The following EMILIN1 variants were observed in gnomAD, a reference collection of about 807,000 sequenced individuals.
EMILIN1 encodes the protein elastin microfibril interfacer 1, also known as EMILIN-1.
In EMILIN1, 49 loss-of-function variants were observed where a neutral mutation model predicts 82.4. The ratio of observed to expected loss-of-function variants is 0.59; its 90% CI spans 0.47 to 0.75. EMILIN1 has a LOEUF of 0.75. Ranked by LOEUF, EMILIN1 falls within the 30% of genes least tolerant of loss-of-function variation. The pLI, the probability that EMILIN1 is intolerant of heterozygous loss-of-function variation, is 0.00. For missense variants in EMILIN1, 1,313 were observed against 1,366.4 expected (o/e 0.96, Z 0.62); for synonymous variants, 604 against 602.2 (o/e 1.00, Z -0.04).
chr2:27,083,806 G>C lies in EMILIN1; in HGVS notation c.2235G>C (p.Gln745His). ...ERLDTVAGGL[Q>H]GLREGLSRHV... is the part of the protein sequence containing the mutation. ...TGGACACTGTGGCTGGGGGACTGCA[G>C]GGCCTGCGCGAGGGCCTTTCCAGAC... The change falls in exon 4 of 8, where the codon CAG becomes CAC. Residue 745 changes from glutamine (Q) to histidine (H), a missense_variant. Transcript: ENST00000380320. 2 of 1,601,086 alleles carry C rather than the reference G, an allele frequency of 1.2e-6. No homozygotes were observed. Among genetic ancestry groups the C allele is most frequent in the South Asian group, 1.1e-5 (1 of 90,524 alleles).
intron 3 of EMILIN1, among the ~76,000 whole-genome samples, chr2:27,081,661 T>A (rs1408732762): frequency 6.6e-6 from 1 of 151,632 alleles, no homozygotes; most frequent in Non-Finnish European, 1.5e-5. Context: ...GACAGAAGAG[T>A]GTCATTATCC....
Position 27,078,726 on chromosome 2 carries a change from G to T in EMILIN1, c.-340G>T, listed in dbSNP as rs1051410406. The T allele has an allele frequency of 7.7e-6, 2 of 261,350 alleles. No homozygotes were observed. Among genetic ancestry groups the T allele is most frequent in the East Asian group, 1.4e-4 (2 of 13,884 alleles). 16.2% of individuals were successfully genotyped at this position (261,350 alleles called of 1,614,324 possible). ...AGAGGGCCAGCTGGGACGAGGGGGC[G>T]GACGCCCAGGAGGCAACTTCTGAGA... On this transcript the variant is annotated 5_prime_UTR_variant, in exon 1 of 8. Coordinates refer to ENST00000380320, the MANE Select transcript of EMILIN1 (RefSeq NM_007046.4).
In EMILIN1 at chr2:27,085,679, C is replaced by T. The variant is rs1347327726; in HGVS notation, c.2715C>T (p.Gly905=). The part of the protein sequence containing the change: ...NDGGYYDPET[G]VFTAPLAGRY... ...CCTGACTGCTATCCTTGTCCCCAGG[C>T]GTGTTCACAGCGCCACTGGCTGGAC... Residue 905 remains glycine (G), a splice_region_variant and synonymous_variant, in exon 8 of 8, where the codon GGC becomes GGT. Coordinates refer to ENST00000380320, the MANE Select transcript of EMILIN1 (RefSeq NM_007046.4). The T allele has an allele frequency of 5.0e-6, 8 of 1,596,086 alleles. No homozygotes were observed. In the Admixed American group the frequency reaches 1.3e-4, roughly 27 times the overall value.
At position 27,086,107 on chromosome 2, in the gene EMILIN1, CT is replaced by C. The variant is rs1572849987; in HGVS notation, c.*93del. 6 of 1,005,390 alleles carry C rather than the reference CT, an allele frequency of 6.0e-6. No individual in the cohort carries two copies. The East Asian group carries it at 1.9e-4, about 32-fold the overall frequency. The allele number at this position is 1,005,390 out of a possible 1,614,324, so 62.3% of individuals were successfully genotyped here. On this transcript the variant is annotated 3_prime_UTR_variant, in exon 8 of 8. Transcript: ENST00000380320. ...CTCGCCTGAGACGGGGCACCTAGCC[CT>C]GGGCGAGCGCCGCACCCGGGCCCGC...
At position 27,083,192 on chromosome 2, in the gene EMILIN1, C is replaced by G; in HGVS notation, c.1621C>G (p.Arg541Gly). The G allele has an allele frequency of 6.2e-7, 1 of 1,611,210 alleles. No homozygotes were observed. Among genetic ancestry groups the G allele is most frequent in the East Asian group, 2.2e-5 (1 of 44,808 alleles). ...GGAGGGATTACAAGAGGTTGTGGGC[C>G]GGCTCCAGGATCGTGTGGATGCCCA... ...TLEGLQEVVG[R>G]LQDRVDAQDE... Residue 541 changes from arginine to glycine, a missense_variant, in exon 4 of 8, where the codon CGG becomes GGG. By Grantham distance (125) the Arg-to-Gly change is moderately radical. Transcript: ENST00000380320.
At position 27,085,226 on chromosome 2, in the gene EMILIN1, G is replaced by A. The variant is rs746958061; in HGVS notation, c.2642G>A (p.Arg881Gln). 8 of 1,614,132 alleles carry A rather than the reference G, an allele frequency of 5.0e-6. No homozygotes were observed. Among genetic ancestry groups the A allele is most frequent in the Non-Finnish European group, 6.8e-6 (8 of 1,180,042 alleles). The change falls in exon 7 of 8, where the codon CGG becomes CAG. Residue 881 changes from arginine (R) to glutamine (Q), a missense_variant. Coordinates refer to ENST00000380320, the MANE Select transcript of EMILIN1 (RefSeq NM_007046.4). ...VAFSAALSLP[R>Q]SEPGTVPFDR... The stretch of plus-strand genomic sequence containing the variant: ...TTTTCAGCTGCTCTGAGTTTGCCCC[G>A]GTCTGAACCAGGCACGGTCCCCTTC...
intron 4 of EMILIN1, 38 bp downstream of exon 4, chr2:27,084,049 C>A: frequency 7.0e-7 from 1 of 1,437,396 alleles, no homozygotes; most frequent in Non-Finnish European, 9.2e-7. Flanking sequence ...CCCTTTCAAG[C>A]CCCTTATTTT....
chr2:27,080,602 T>C lies in EMILIN1; in HGVS notation c.291-130T>C, dbSNP rs1669456252. The C allele has an allele frequency of 1.2e-5, 9 of 757,700 alleles. 1 individual carries two copies. Among genetic ancestry groups the C allele is most frequent in the South Asian group, 7.4e-5 (4 of 54,248 alleles). 46.9% of individuals were successfully genotyped at this position (757,700 alleles called of 1,614,324 possible). A position where few individuals can be genotyped will look rare whatever the true frequency, so the allele number is the denominator to read the frequency against. ...GCTGTCAGCTAAGCAAGGCCACATG[T>C]TGGACAGTAAGAGGGACCCAGCCTG... is the stretch of plus-strand genomic sequence containing the variant. On this transcript the variant is annotated intron_variant, in intron 2 of 7. Transcript: ENST00000380320.
rs763872261 is a variant in EMILIN1 at position 27,082,321 on chromosome 2, C to G, written c.750C>G (p.Arg250=). The G allele has an allele frequency of 6.2e-7, 1 of 1,612,772 alleles. No homozygotes were observed. Among genetic ancestry groups the G allele is most frequent in the Non-Finnish European group, 8.5e-7 (1 of 1,179,950 alleles). Residue 250 remains arginine, a synonymous_variant, in exon 4 of 8, where the codon CGC becomes CGG. Coordinates refer to ENST00000380320, the MANE Select transcript of EMILIN1 (RefSeq NM_007046.4). The stretch of plus-strand genomic sequence containing the variant: ...ACCAGCTGCAGCTCCTGGACACCCG[C>G]GTCTCCACCCACGACCAGGAGCTGG... ...IQHQLQLLDT[R]VSTHDQELGH...
intron 4 of EMILIN1, 97 bp from the exon 5 acceptor site, chr2:27,084,314 TTCCA>T (rs1669550708): frequency 1.3e-6 from 1 of 763,624 alleles, no homozygotes; most frequent in Non-Finnish European, 2.2e-6. Flanking sequence ...GCTCCACCTG[TTCCA>T]TCCATCTTCT....
At chr2:27,085,371 C>A in intron 7 of EMILIN1, 74 bp downstream of exon 7, 1 of 1,552,498 alleles carries the variant, frequency 6.4e-7, no homozygotes, top group Non-Finnish European at 8.9e-7. Flanking sequence ...CCCATTCTTG[C>A]CTTTTCCGAC....
chr2:27,081,127 G>C (rs1208220412), intron 3 of EMILIN1, among the ~76,000 whole-genome samples, 175 bp downstream of exon 3: 1 of 151,784 alleles, frequency 6.6e-6, no homozygotes, highest in Non-Finnish European at 1.5e-5. Context: ...GTGTGTGTGT[G>C]TGTGTGTGTG....
In EMILIN1 at chr2:27,082,981, G is replaced by T; in HGVS notation, c.1410G>T (p.Gln470His). The change falls in exon 4 of 8, where the codon CAG (glutamine) becomes CAT (histidine). Residue 470 changes from glutamine to histidine, a missense_variant. By Grantham distance (24) the Gln-to-His change is conservative. Coordinates refer to ENST00000380320, the MANE Select transcript of EMILIN1 (RefSeq NM_007046.4). ...LGGRLDLLEE[Q>H]VAGAMQACGQ... ...GGCGGTTGGATCTGTTGGAGGAGCA[G>T]GTGGCAGGGGCCATGCAGGCATGCG... 1 of 1,577,984 alleles carries T rather than the reference G, an allele frequency of 6.3e-7. No individual in the cohort carries two copies. The highest frequency in any genetic ancestry group is 1.8e-5 in the Admixed American group (1 of 56,914).
chr2:27,084,586 C>G (rs1014714664), intron 5 of EMILIN1, 55 bp downstream of exon 5: 2 of 1,041,076 alleles, frequency 1.9e-6, no homozygotes, highest in Non-Finnish European at 3.0e-6. Flanking sequence ...CCCTCCAACC[C>G]TGACCCCCGC....
intron 4 of EMILIN1, 49 bp from the exon 5 acceptor site, chr2:27,084,366 T>G: frequency 1.7e-6 from 2 of 1,154,760 alleles, no homozygotes; most frequent in Non-Finnish European, 2.6e-6. Context: ...TCCTTACCCA[T>G]TGGAAACTCC....
Position 27,084,871 on chromosome 2 carries a change from C to A in EMILIN1, c.2558-120C>A, listed in dbSNP as rs557086220. On this transcript the variant is annotated intron_variant, in intron 5 of 7. Transcript: ENST00000380320. ...CCTATTCCTGTTTTTCTTGATACCC[C>A]AATTCCTGCTTTGAAGTCCACGTAG... 2.0e-4 allele frequency: 193 copies of A among 944,940 alleles called. 1 individual carries two copies. Among genetic ancestry groups the A allele is most frequent in the Non-Finnish European group, 3.2e-4 (182 of 575,996 alleles). The allele number at this position is 944,940 out of a possible 1,614,324, so 58.5% of individuals were successfully genotyped here. A position where few individuals can be genotyped will look rare whatever the true frequency, so the allele number is the denominator to read the frequency against.
rs555688311 is a variant in EMILIN1, at chr2:27,085,731, G to A, written c.2767G>A (p.Gly923Arg). The change falls in exon 8 of 8, where the codon GGG becomes AGG. Residue 923 changes from glycine to arginine, a missense_variant. By Grantham distance (125) the Gly-to-Arg change is moderately radical. Transcript: ENST00000380320. Reference sequence around the variant, plus strand: ...CTACTTGCTGAGCGCGGTGCTGACTGGGCACCGGCACGAGAAAGTGGAGGC... The same window carrying A: ...CTACTTGCTGAGCGCGGTGCTGACTAGGCACCGGCACGAGAAAGTGGAGGC... ...GRYLLSAVLTGHRHEKVEAVL... is the reference protein window; with the variant it reads ...GRYLLSAVLTRHRHEKVEAVL... The A allele has an allele frequency of 9.3e-6, 15 of 1,609,818 alleles. No individual in the cohort carries two copies. The South Asian group carries it at 1.5e-4, about 17-fold the overall frequency.
In EMILIN1 at chr2:27,084,521, C is replaced by A. The variant is rs528932246; in HGVS notation, c.2547C>A (p.Ile849=). ...SPGKDGQEGP[I]GPPGPQGEQG... is the part of the protein sequence containing the mutation. ...GCAAGGACGGGCAAGAGGGCCCCATCGGGCCACCAGGTATGTGCACTGAGA... is the reference window on the plus strand; with the variant it reads ...GCAAGGACGGGCAAGAGGGCCCCATAGGGCCACCAGGTATGTGCACTGAGA... Residue 849 remains isoleucine, a synonymous_variant, in exon 5 of 8, where the codon ATC becomes ATA. Transcript: ENST00000380320. 2.5e-6 allele frequency: 4 copies of A among 1,608,690 alleles called. No homozygotes were observed. The South Asian group carries it at 4.4e-5, about 18-fold the overall frequency.
rs1282792284 is a variant in EMILIN1 at position 27,085,685 on chromosome 2, C to T, written c.2721C>T (p.Phe907=). 4 of 1,597,234 alleles carry T rather than the reference C, an allele frequency of 2.5e-6. No individual in the cohort carries two copies. The highest frequency in any genetic ancestry group is 3.4e-6 in the Non-Finnish European group (4 of 1,167,386). The stretch of plus-strand genomic sequence containing the variant: ...TGCTATCCTTGTCCCCAGGCGTGTT[C>T]ACAGCGCCACTGGCTGGACGCTACT... ...GGYYDPETGV[F]TAPLAGRYLL... is the part of the protein sequence containing the mutation. Residue 907 remains phenylalanine, a synonymous_variant, in exon 8 of 8, where the codon TTC becomes TTT. Transcript: ENST00000380320.
Sources: allele counts gnomAD v4.1 joint callset (sites outside exome capture counted in the v4.1 genomes callset), GRCh38; gene constraint gnomAD v4.1.1; transcripts MANE v1.5; gene names NCBI Gene and HGNC (gene_info 2026-07-23, HGNC 2026-07-21).